ACVR2B: variants seen among roughly 807,000 people sequenced by gnomAD.
ACVR2B encodes the protein activin receptor type-2B.
ACVR2B carries 18 observed loss-of-function variants against 65.1 expected under a neutral mutation model. The observed-to-expected ratio is 0.28, with a 90% CI of 0.19 to 0.41. ACVR2B has a LOEUF of 0.41. Among genes scored for constraint, ACVR2B ranks in the 10% least tolerant of loss-of-function variants. The pLI, the probability that ACVR2B is intolerant of heterozygous loss-of-function variation, is 1.00. For missense variants in ACVR2B, 482 were observed against 682.7 expected, an observed-to-expected ratio of 0.71 and a Z score of 3.28; for synonymous variants, 298 against 277.7, an observed-to-expected ratio of 1.07 and a Z score of -0.73.
intron 5 of ACVR2B, among the ~76,000 whole-genome samples, chr3:38,478,836 C>T (rs1020748049): frequency 1.3e-5 from 2 of 152,080 alleles, no homozygotes; most frequent in South Asian, 2.1e-4. Context: ...TTGGGTGATA[C>T]GGGGTCACTC....
chr3:38,455,580 C>G (rs1173398631), intron 1 of ACVR2B, among the ~76,000 whole-genome samples: 2 of 152,098 alleles, frequency 1.3e-5, no homozygotes, highest in Admixed American at 6.5e-5. Context: ...TGTGCGTCGT[C>G]GTGAGGCTTA....
intron 1 of ACVR2B, among the ~76,000 whole-genome samples, chr3:38,455,801 C>G (rs1709540596): frequency 6.6e-6 from 1 of 152,136 alleles, no homozygotes; most frequent in African/African-American, 2.4e-5. Context: ...ATGCCTTTTC[C>G]CCAAGAAGGA....
Position 38,478,138 on chromosome 3 carries a change from C to T in ACVR2B, c.371-3C>T, listed in dbSNP as rs368433716. 7.9e-5 allele frequency: 128 copies of T among 1,611,350 alleles called. No homozygotes were observed. Among genetic ancestry groups the T allele is most frequent in the Non-Finnish European group, 9.7e-5 (115 of 1,179,514 alleles). On this transcript the variant is annotated splice_polypyrimidine_tract_variant and splice_region_variant and intron_variant, in intron 3 of 10. Coordinates refer to ENST00000352511, the MANE Select transcript of ACVR2B (RefSeq NM_001106.4). ...TTGACACAGGGCTCTGTGTGTCCCC[C>T]AGTCACGTACGAGCCACCCCCGACA...
rs150369600 is a variant in ACVR2B at position 38,469,700 on chromosome 3, C to T, written c.53-7587C>T. On this transcript the variant is annotated intron_variant, in intron 1 of 10. Transcript: ENST00000352511. ...ATAAGTTACCTTTGAAAGGTTGCCC[C>T]TTCAAACTTGGCCTCAAAGTAGTCC... Among the ~76,000 whole-genome samples the T allele has an allele frequency of 7.0e-3, 1,061 of 152,296 alleles. 9 individuals are homozygous for T. The highest frequency in any genetic ancestry group is 0.025 in the African/African-American group (1,021 of 41,544).
chr3:38,490,005 G>T lies in ACVR2B; in HGVS notation c.*6673G>T, dbSNP rs890682734. The T allele has an allele frequency of 2.0e-5, 3 of 152,234 alleles. No homozygotes were observed. The highest frequency in any genetic ancestry group is 4.4e-5 in the Non-Finnish European group (3 of 68,050). The allele number at this position is 152,234 out of a possible 1,614,324, so 9.4% of individuals were successfully genotyped here. ...ATCTGTGGAATCAGCCAGGAGCCCA[G>T]TGAGGAAGCTCAGAACCCCAGTAAC... On this transcript the variant is annotated 3_prime_UTR_variant, in exon 11 of 11. Coordinates refer to ENST00000352511, the MANE Select transcript of ACVR2B (RefSeq NM_001106.4).
Position 38,479,147 on chromosome 3 carries a change from G to C in ACVR2B, c.686G>C (p.Ser229Thr), listed in dbSNP as rs758668102. The change falls in exon 6 of 11, where the codon AGT becomes ACT. Residue 229 changes from serine (S) to threonine (T), a missense_variant. By Grantham distance (58) the Ser-to-Thr change is moderately conservative. Around this residue, in one of 5 missense-constraint regions of ACVR2B, gnomAD observed 223 missense variants for 386.3 expected, o/e 0.58. Transcript: ENST00000352511. The stretch of plus-strand genomic sequence containing the variant: ...CCTCAGGACAAGCAGTCGTGGCAGA[G>C]TGAACGGGAGATCTTCAGCACACCT... ...FPLQDKQSWQ[S>T]EREIFSTPGM... 6.2e-7 allele frequency: 1 copy of C among 1,614,192 alleles called. No homozygotes were observed. Among genetic ancestry groups the C allele is most frequent in the East Asian group, 2.2e-5 (1 of 44,870 alleles).
In ACVR2B at chr3:38,490,933, G is replaced by A. The variant is rs898382730; in HGVS notation, c.*7601G>A. 3.3e-5 allele frequency: 5 copies of A among 152,606 alleles called. No homozygotes were observed. The highest frequency in any genetic ancestry group is 2.6e-4 in the Admixed American group (4 of 15,276). The allele number at this position is 152,606 out of a possible 1,614,324, so 9.5% of individuals were successfully genotyped here. A position where few individuals can be genotyped will look rare whatever the true frequency, so the allele number is the denominator to read the frequency against. On this transcript the variant is annotated 3_prime_UTR_variant, in exon 11 of 11. Transcript: ENST00000352511. ...ATTCTGCCATTTTCAGTATTCTTGTGTGTCTGAATAGGCAAAGCGATTTAA... is the reference window on the plus strand; with the variant it reads ...ATTCTGCCATTTTCAGTATTCTTGTATGTCTGAATAGGCAAAGCGATTTAA...
intron 1 of ACVR2B, among the ~76,000 whole-genome samples, chr3:38,461,707 T>A (rs1028345441): frequency 2.0e-5 from 3 of 152,152 alleles, no homozygotes; most frequent in African/African-American, 4.8e-5. Flanking sequence ...TTAAAAAAAA[T>A]TTATTACTTT....
chr3:38,480,324 T>C (rs1709996346), intron 7 of ACVR2B, among the ~76,000 whole-genome samples: 1 of 152,146 alleles, frequency 6.6e-6, no homozygotes, highest in Non-Finnish European at 1.5e-5. Flanking sequence ...CTTGGAACAG[T>C]CTTAGAGATC....
intron 1 of ACVR2B, among the ~76,000 whole-genome samples, chr3:38,458,711 A>G (rs1709590632): frequency 6.6e-6 from 1 of 152,094 alleles, no homozygotes; most frequent in African/African-American, 2.4e-5. Flanking sequence ...ACGGATACTG[A>G]CCTGTCACCA....
Position 38,487,791 on chromosome 3 carries a change from A to G in ACVR2B, c.*4459A>G, listed in dbSNP as rs1710148003. On this transcript the variant is annotated 3_prime_UTR_variant, in exon 11 of 11. Transcript: ENST00000352511. ...AAGTATGTAAGTTTTTAGAATTGGT[A>G]CTAGAAGTTGGACAGCTAGTTATTC... 1 of 152,236 alleles carries G rather than the reference A, an allele frequency of 6.6e-6. No homozygotes were observed. The highest frequency in any genetic ancestry group is 2.1e-4 in the South Asian group (1 of 4,834). 9.4% of individuals were successfully genotyped at this position (152,236 alleles called of 1,614,324 possible). A position where few individuals can be genotyped will look rare whatever the true frequency, so the allele number is the denominator to read the frequency against.
chr3:38,465,518 G>A (rs765632062), intron 1 of ACVR2B, among the ~76,000 whole-genome samples: 6 of 151,968 alleles, frequency 3.9e-5, no homozygotes, highest in Non-Finnish European at 5.9e-5. Flanking sequence ...CTTGTTTTAC[G>A]TAATAACAGA....
At chr3:38,475,195 CA>C (rs1709886455) in intron 1 of ACVR2B, 1 of 152,356 alleles carries the variant, frequency 6.6e-6, no homozygotes, top group Non-Finnish European at 1.5e-5. Context: ...TGTGCTTGTT[CA>C]GCCTTTGGTC....
rs748616804 is a variant in ACVR2B at position 38,481,570 on chromosome 3, G to A, written c.1074+105G>A. On this transcript the variant is annotated intron_variant, in intron 8 of 10. Transcript: ENST00000352511. This position sits in a 1 kb window ranked among gnomAD's most constrained non-coding sequence, Gnocchi z 4.7. ...TGCAGGGATGAGGGTGACTGCATGC[G>A]TTCAGAGCTGTCTGAGAACTTAGAG... The A allele has an allele frequency of 1.8e-4, 156 of 873,614 alleles. No individual in the cohort carries two copies. Among genetic ancestry groups the A allele is most frequent in the Admixed American group, 2.6e-4 (14 of 53,262 alleles). The allele number at this position is 873,614 out of a possible 1,614,324, so 54.1% of individuals were successfully genotyped here. A position where few individuals can be genotyped will look rare whatever the true frequency, so the allele number is the denominator to read the frequency against.
intron 1 of ACVR2B, among the ~76,000 whole-genome samples, chr3:38,455,320 G>A (rs1709529536): frequency 6.6e-6 from 1 of 152,196 alleles, no homozygotes; most frequent in Non-Finnish European, 1.5e-5. Flanking sequence ...GGGGAGCTGG[G>A]CATTGAAGCT....
rs572594763 is a variant in ACVR2B, at chr3:38,478,252, G to A, written c.482G>A (p.Arg161Gln). 101 of 1,614,112 alleles carry A rather than the reference G, an allele frequency of 6.3e-5. No individual in the cohort carries two copies. In the South Asian group the frequency reaches 9.6e-4, roughly 15 times the overall value. Residue 161 changes from arginine (R) to glutamine (Q), a missense_variant, in exon 4 of 11, where the codon CGG (arginine) becomes CAG (glutamine). Physicochemically the swap from Arg to Gln is conservative, Grantham distance 43. This residue lies in a region of ACVR2B where 95 missense variants were observed against 91.6 expected (regional missense o/e 1.04). Coordinates refer to ENST00000352511, the MANE Select transcript of ACVR2B (RefSeq NM_001106.4). ...GTCCTGCTGGCCTTTTGGATGTACCGGCATCGCAAGCCCCCCTACGGTCAT... is the reference window on the plus strand; with the variant it reads ...GTCCTGCTGGCCTTTTGGATGTACCAGCATCGCAAGCCCCCCTACGGTCAT... ...LIVLLAFWMY[R>Q]HRKPPYGHVD... is the part of the protein sequence containing the mutation.
At chr3:38,478,706 A>G (rs537650624) in intron 5 of ACVR2B, among the ~76,000 whole-genome samples, 188 bp downstream of exon 5, 2 of 152,174 alleles carry the variant, frequency 1.3e-5, no homozygotes, top group Non-Finnish European at 2.9e-5. Context: ...ATGGAATTTT[A>G]TCATAGGACT....
chr3:38,459,504 C>A, intron 1 of ACVR2B: 1 of 816,650 alleles, frequency 1.2e-6, no homozygotes, highest in Non-Finnish European at 1.5e-6. Context: ...CTCTGCTCAC[C>A]TGGGGGCCTC....
At chr3:38,478,757 A>AGGGTTTTGTTTTTGACATT (rs1399627140) in intron 5 of ACVR2B, among the ~76,000 whole-genome samples, 1 of 152,122 alleles carries the variant, frequency 6.6e-6, no homozygotes, top group Non-Finnish European at 1.5e-5. Context: ...CCCGGTTACC[A>AGGGTTTTGTTTTTGACATT]GGGTTTTGTT....
Sources: gnomAD v4.1 joint callset for allele counts (sites outside exome capture counted in the v4.1 genomes callset) on GRCh38, gnomAD v4.1.1 for gene constraint, gnomAD v4.1.1 regional missense constraint, Gnocchi (gnomAD v3.1) non-coding constraint, MANE v1.5 for transcripts, NCBI Gene and HGNC (gene_info 2026-07-23, HGNC 2026-07-21) for gene names.